CALCR: variants seen among roughly 807,000 people sequenced by gnomAD.
CALCR encodes the protein calcitonin receptor.
Under a neutral mutation model 59.5 loss-of-function variants are expected in CALCR, and 47 were observed. The observed-to-expected ratio is 0.79, with a 90% CI of 0.63 to 1.01. The LOEUF (loss-of-function observed/expected upper bound fraction) is 1.01, where lower values mean the gene tolerates loss of function less well. Ranked by LOEUF, CALCR falls within the 50% of genes least tolerant of loss-of-function variation. The pLI, the probability that CALCR is intolerant of heterozygous loss-of-function variation, is 0.00. For synonymous variants in CALCR, 213 were observed against 211.3 expected, an observed-to-expected ratio of 1.01 and a Z score of -0.07; for missense variants, 566 against 597.1, an observed-to-expected ratio of 0.95 and a Z score of 0.54.
chr7:93,496,307 G>C (rs186430695), intron 2 of CALCR, among the ~76,000 whole-genome samples: 49 of 151,422 alleles, frequency 3.2e-4, no homozygotes, highest in Non-Finnish European at 5.6e-4. Flanking sequence ...TTTTCTGTAC[G>C]AAAAAGACCC....
intron 2 of CALCR, among the ~76,000 whole-genome samples, chr7:93,531,945 TAAC>T (rs747087030): frequency 8.6e-5 from 13 of 152,032 alleles, no homozygotes; most frequent in Non-Finnish European, 1.8e-4. Flanking sequence ...ATAAATAAAT[TAAC>T]AATGATCATG....
chr7:93,459,955 T>C (rs1356996327), intron 8 of CALCR, among the ~76,000 whole-genome samples: 1 of 152,194 alleles, frequency 6.6e-6, no homozygotes, highest in East Asian at 1.9e-4. Flanking sequence ...TATGTCCTGT[T>C]GCCCTAACTT....
chr7:93,499,385 T>C (rs528998536), intron 2 of CALCR, among the ~76,000 whole-genome samples: 9 of 151,906 alleles, frequency 5.9e-5, no homozygotes, highest in African/African-American at 1.9e-4. Flanking sequence ...TTAAAAGTTC[T>C]GCAAAATTCT....
At chr7:93,451,027 T>A (rs1010168597) in intron 8 of CALCR, among the ~76,000 whole-genome samples, 3 of 144,412 alleles carry the variant, frequency 2.1e-5, no homozygotes, top group Non-Finnish European at 4.6e-5. Flanking sequence ...GTTGTAATAC[T>A]TTTTTTTTTT....
chr7:93,541,707 C>A (rs564950036), intron 2 of CALCR, among the ~76,000 whole-genome samples: 2 of 152,250 alleles, frequency 1.3e-5, no homozygotes, highest in South Asian at 4.1e-4. Flanking sequence ...TTGCTGAGTG[C>A]AATTCAAGTT....
At chr7:93,486,231 G>A (rs1254525137) in intron 3 of CALCR, among the ~76,000 whole-genome samples, 1 of 151,524 alleles carries the variant, frequency 6.6e-6, no homozygotes, top group Non-Finnish European at 1.5e-5. Context: ...TCCCATTCAT[G>A]TGCTATTGAA....
intron 2 of CALCR, among the ~76,000 whole-genome samples, chr7:93,510,931 AT>A (rs2116044456): frequency 1.3e-5 from 2 of 152,136 alleles, no homozygotes; most frequent in African/African-American, 4.8e-5. Context: ...TATTTGAAGA[AT>A]GGGTTGGGGA....
intron 2 of CALCR, among the ~76,000 whole-genome samples, chr7:93,568,916 C>T (rs920426179): frequency 1.3e-5 from 2 of 151,990 alleles, no homozygotes; most frequent in African/African-American, 2.4e-5. Flanking sequence ...TTTATCTTGC[C>T]TGTCCAAAAT....
chr7:93,547,021 C>A (rs2116211416), intron 2 of CALCR, among the ~76,000 whole-genome samples: 1 of 152,080 alleles, frequency 6.6e-6, no homozygotes, highest in African/African-American at 2.4e-5. Context: ...GACAAGCTCT[C>A]AGAAGGCACT....
chr7:93,485,767 T>C (rs565570276), intron 3 of CALCR, among the ~76,000 whole-genome samples: 2 of 151,652 alleles, frequency 1.3e-5, no homozygotes, highest in African/African-American at 4.8e-5. Flanking sequence ...TAATTACTTT[T>C]AGAAAATTTT....
At chr7:93,451,301 A>G (rs1800104676) in intron 8 of CALCR, among the ~76,000 whole-genome samples, 1 of 152,016 alleles carries the variant, frequency 6.6e-6, no homozygotes, top group African/African-American at 2.4e-5. Flanking sequence ...GAAGAGATGC[A>G]AGGCTTATTT....
chr7:93,574,238 C>T lies in CALCR; in HGVS notation c.-27+51G>A, dbSNP rs534534485. Reference sequence around the variant, plus strand: ...TATAGCACCTGCACTGTTAAACATCCCTTGGACACCCCAAATCGTTAAGTC... The same window carrying T: ...TATAGCACCTGCACTGTTAAACATCTCTTGGACACCCCAAATCGTTAAGTC... On this transcript the variant is annotated intron_variant, in intron 2 of 13. Coordinates refer to ENST00000426151, the MANE Select transcript of CALCR (RefSeq NM_001742.4). The T allele has an allele frequency of 3.3e-5, 5 of 152,412 alleles. No individual in the cohort carries two copies. In the South Asian group the frequency reaches 8.3e-4, roughly 25 times the overall value. The allele number at this position is 152,412 out of a possible 1,614,324, so 9.4% of individuals were successfully genotyped here.
At chr7:93,460,579 A>ATATATATATATATACATATATATATATG (rs1800304655) in intron 8 of CALCR, among the ~76,000 whole-genome samples, 2 of 111,376 alleles carry the variant, frequency 1.8e-5, no homozygotes, top group South Asian at 2.9e-4. Context: ...AAAAATATAT[A>ATATATATATATATACATATATATATATG]TATATATATA....
chr7:93,435,313 A>G (rs1040840390), intron 12 of CALCR, among the ~76,000 whole-genome samples: 9 of 152,156 alleles, frequency 5.9e-5, no homozygotes, highest in African/African-American at 2.2e-4. Context: ...ATTACCCCAG[A>G]GCCAGCACTT....
intron 7 of CALCR, among the ~76,000 whole-genome samples, chr7:93,465,414 T>C (rs141232807): frequency 6.6e-4 from 100 of 152,088 alleles, no homozygotes; most frequent in African/African-American, 2.3e-3. Context: ...CTTGCTGAAC[T>C]AATTTGATGT....
chr7:93,481,005 T>A (rs1376261861), intron 3 of CALCR, among the ~76,000 whole-genome samples: 1 of 151,822 alleles, frequency 6.6e-6, no homozygotes, highest in Non-Finnish European at 1.5e-5. Flanking sequence ...AAAAAAGAGT[T>A]AAAACTTGTT....
chr7:93,502,784 G>A (rs1188772341), intron 2 of CALCR, among the ~76,000 whole-genome samples: 1 of 151,898 alleles, frequency 6.6e-6, no homozygotes, highest in African/African-American at 2.4e-5. Flanking sequence ...TTGTGTACTA[G>A]AATATTTAAT....
At chr7:93,528,368 G>A (rs1239940990) in intron 2 of CALCR, among the ~76,000 whole-genome samples, 3 of 152,126 alleles carry the variant, frequency 2.0e-5, no homozygotes, top group Non-Finnish European at 2.9e-5. Context: ...GTGATGGTGC[G>A]CTGCACCCAT....
intron 2 of CALCR, among the ~76,000 whole-genome samples, chr7:93,526,505 T>C (rs1323396591): frequency 1.1e-5 from 1 of 90,952 alleles, no homozygotes; most frequent in Non-Finnish European, 2.0e-5. Flanking sequence ...AAGGAAAAAA[T>C]ATAGATTGCA....
Sources: allele counts gnomAD v4.1 joint callset (sites outside exome capture counted in the v4.1 genomes callset), GRCh38; gene constraint gnomAD v4.1.1; transcripts MANE v1.5; gene names NCBI Gene and HGNC (gene_info 2026-07-23, HGNC 2026-07-21).